The following RAX variants were observed in gnomAD, a reference collection of about 807,000 sequenced individuals.
RAX encodes the protein retina and anterior neural fold homeobox.
Under a neutral mutation model 17.4 loss-of-function variants are expected in RAX, and 11 were observed. That is an observed-to-expected ratio of 0.63 (90% CI 0.40 to 1.05). The LOEUF (loss-of-function observed/expected upper bound fraction) is 1.05, where lower values mean the gene tolerates loss of function less well. Ranked by LOEUF, RAX falls within the 50% of genes least tolerant of loss-of-function variation. RAX has a pLI of 0.00. For synonymous variants in RAX, 276 were observed against 254.7 expected (o/e 1.08, Z -0.80); for missense variants, 527 against 501.1 (o/e 1.05, Z -0.49).
Position 59,272,934 on chromosome 18 carries a change from G to A in RAX, c.273C>T (p.Pro91=), listed in dbSNP as rs1251223606. 1 of 1,464,354 alleles carries A rather than the reference G, an allele frequency of 6.8e-7. No individual in the cohort carries two copies. Among genetic ancestry groups the A allele is most frequent in the Non-Finnish European group, 8.9e-7 (1 of 1,125,728 alleles). The allele number at this position is 1,464,354 out of a possible 1,614,324, so 90.7% of individuals were successfully genotyped here. A position where few individuals can be genotyped will look rare whatever the true frequency, so the allele number is the denominator to read the frequency against. ...SEPSPPPAPA[P]APEYEAPRPY... Reference sequence around the variant, plus strand: ...CGCACTCACCTTCGTACTCGGGGGCGGGCGCCGGGGCTGGCGGCGGGGAGG... The same window carrying A: ...CGCACTCACCTTCGTACTCGGGGGCAGGCGCCGGGGCTGGCGGCGGGGAGG... The change falls in exon 1 of 3, where the codon CCC becomes CCT. Residue 91 remains proline (P), a synonymous_variant. Coordinates refer to ENST00000334889, the MANE Select transcript of RAX (RefSeq NM_013435.3).
At position 59,269,114 on chromosome 18, in the gene RAX, C is replaced by A; in HGVS notation, c.931G>T (p.Asp311Tyr). 6.2e-7 allele frequency: 1 copy of A among 1,609,820 alleles called. No homozygotes were observed. The highest frequency in any genetic ancestry group is 8.5e-7 in the Non-Finnish European group (1 of 1,178,396). The change falls in exon 3 of 3, where the codon GAC (aspartate) becomes TAC (tyrosine). Residue 311 changes from aspartate (D) to tyrosine (Y), a missense_variant. Physicochemically the swap from Asp to Tyr is radical, Grantham distance 160 (BLOSUM62 -3). Transcript: ENST00000334889. ...TCCGCCTCGTCCAGCGGGAACTTGT[C>A]CCCGAAGCCGGGCCCGCACGGGTAG... ...PSYPCGPGFG[D>Y]KFPLDEADPR...
In RAX at chr18:59,269,291, C is replaced by G. The variant is rs1243020332; in HGVS notation, c.754G>C (p.Gly252Arg). The change falls in exon 3 of 3, where the codon GGG (glycine) becomes CGG (arginine). Residue 252 changes from glycine to arginine, a missense_variant. Gly to Arg is a moderately radical substitution (Grantham distance 125). Coordinates refer to ENST00000334889, the MANE Select transcript of RAX (RefSeq NM_013435.3). The stretch of plus-strand genomic sequence containing the variant: ...AGGCTCTGCAGCGCCGTGGCGCCCC[C>G]GCCCGGCAGCGGCGGCCCGAGCCAG... ...ESWLGPPLPG[G>R]GATALQSLPG... 17 of 1,296,738 alleles carry G rather than the reference C, an allele frequency of 1.3e-5. No homozygotes were observed. The highest frequency in any genetic ancestry group is 1.6e-5 in the African/African-American group (1 of 64,150). The allele number at this position is 1,296,738 out of a possible 1,614,324, so 80.3% of individuals were successfully genotyped here. A position where few individuals can be genotyped will look rare whatever the true frequency, so the allele number is the denominator to read the frequency against.
In RAX at chr18:59,267,174, A is replaced by C. The variant is rs1453968253; in HGVS notation, c.*1830T>G. On this transcript the variant is annotated 3_prime_UTR_variant, in exon 3 of 3. Coordinates refer to ENST00000334889, the MANE Select transcript of RAX (RefSeq NM_013435.3). ...CCTCTTGGGGGGGAATAATTTATTC[A>C]GTACATTTTTACTGATCAGCCTACT... is the stretch of plus-strand genomic sequence containing the variant. 6.6e-6 allele frequency: 1 copy of C among 152,238 alleles called. No individual in the cohort carries two copies. Among genetic ancestry groups the C allele is most frequent in the African/African-American group, 2.4e-5 (1 of 41,454 alleles). The allele number at this position is 152,238 out of a possible 1,614,324, so 9.4% of individuals were successfully genotyped here. A position where few individuals can be genotyped will look rare whatever the true frequency, so the allele number is the denominator to read the frequency against.
intron 2 of RAX, among the ~76,000 whole-genome samples, chr18:59,270,273 T>G (rs1011727703): frequency 2.6e-5 from 4 of 152,246 alleles, no homozygotes; most frequent in Non-Finnish European, 5.9e-5. Flanking sequence ...TTACTATTTC[T>G]GCTGTTTGTT....
At chr18:59,272,851 T>C in intron 1 of RAX, 67 bp downstream of exon 1, 1 of 1,486,204 alleles carries the variant, frequency 6.7e-7, no homozygotes, top group Non-Finnish European at 8.9e-7. Flanking sequence ...GAAGGGGCGC[T>C]CTCGTCTGGC....
Position 59,269,311 on chromosome 18 carries a change from A to T in RAX, c.734T>A (p.Leu245His). 7.7e-7 allele frequency: 1 copy of T among 1,304,894 alleles called. No homozygotes were observed. The highest frequency in any genetic ancestry group is 2.2e-5 in the South Asian group (1 of 45,536). 80.8% of individuals were successfully genotyped at this position (1,304,894 alleles called of 1,614,324 possible). Residue 245 changes from leucine (L) to histidine (H), a missense_variant, in exon 3 of 3, where the codon CTC becomes CAC. Physicochemically the swap from Leu to His is moderately conservative, Grantham distance 99. Coordinates refer to ENST00000334889, the MANE Select transcript of RAX (RefSeq NM_013435.3). The part of the protein sequence containing the change: ...AGGALPLESW[L>H]GPPLPGGGAT... ...GCCCCCGCCCGGCAGCGGCGGCCCG[A>T]GCCAGGACTCCAGCGGCAGCGCGCC...
At chr18:59,271,720 C>G (rs1301169342) in intron 2 of RAX, among the ~76,000 whole-genome samples, 2 of 152,180 alleles carry the variant, frequency 1.3e-5, no homozygotes, top group Non-Finnish European at 2.9e-5. Flanking sequence ...AGATTTTTCA[C>G]AGATGACTAG....
In RAX at chr18:59,272,494, C is replaced by T. The variant is rs768555667; in HGVS notation, c.410G>A (p.Arg137Gln). ...SEEEQPKKKH[R>Q]RNRTTFTTYQ... ...CGTGGTGAAAGTCGTGCGGTTCCGC[C>T]GATGCTTTTTCTTGGGCTGTTCCTC... The change falls in exon 2 of 3, where the codon CGG (arginine) becomes CAG (glutamine). Residue 137 changes from arginine (R) to glutamine (Q), a missense_variant. Coordinates refer to ENST00000334889, the MANE Select transcript of RAX (RefSeq NM_013435.3). The T allele has an allele frequency of 6.2e-7, 1 of 1,614,246 alleles. No homozygotes were observed. Among genetic ancestry groups the T allele is most frequent in the Non-Finnish European group, 8.5e-7 (1 of 1,180,046 alleles).
chr18:59,273,375 G>T lies in RAX; in HGVS notation c.-169C>A. On this transcript the variant is annotated 5_prime_UTR_variant, in exon 1 of 3. Transcript: ENST00000334889. ...CTGGGGGTGGCCGAGCGCTCAGCCCGCTGCCGCCTTAGTCCCAGAAGTCGG... is the reference window on the plus strand; with the variant it reads ...CTGGGGGTGGCCGAGCGCTCAGCCCTCTGCCGCCTTAGTCCCAGAAGTCGG... The T allele has an allele frequency of 4.3e-6, 3 of 696,678 alleles. No individual in the cohort carries two copies. Among genetic ancestry groups the T allele is most frequent in the East Asian group, 3.2e-5 (1 of 31,464 alleles). 43.2% of individuals were successfully genotyped at this position (696,678 alleles called of 1,614,324 possible).
In RAX at chr18:59,269,085, C is replaced by G; in HGVS notation, c.960G>C (p.Pro320=). The G allele has an allele frequency of 6.2e-7, 1 of 1,612,456 alleles. No homozygotes were observed. The highest frequency in any genetic ancestry group is 1.1e-5 in the South Asian group (1 of 91,016). The change falls in exon 3 of 3, where the codon CCG becomes CCC. Residue 320 remains proline, a synonymous_variant. Transcript: ENST00000334889. ...GCAGCGCCGCGATGCTGCTGTTGCG[C>G]GGGTCCGCCTCGTCCAGCGGGAACT... is the stretch of plus-strand genomic sequence containing the variant. The part of the protein sequence containing the change: ...GDKFPLDEAD[P]RNSSIAALRL...
At position 59,268,735 on chromosome 18, in the gene RAX, C is replaced by T. The variant is rs1013270682; in HGVS notation, c.*269G>A. The T allele has an allele frequency of 8.7e-6, 5 of 575,858 alleles. No homozygotes were observed. Among genetic ancestry groups the T allele is most frequent in the African/African-American group, 3.8e-5 (2 of 52,178 alleles). The allele number at this position is 575,858 out of a possible 1,614,324, so 35.7% of individuals were successfully genotyped here. On this transcript the variant is annotated 3_prime_UTR_variant, in exon 3 of 3. Transcript: ENST00000334889. This position sits in a 1 kb window ranked among gnomAD's most constrained non-coding sequence, Gnocchi z 4.4. ...GCGGTGATGGGAGCGGCGTGGCCAG[C>T]GGGGCCCGGCAGCCTGTTGCCCTCC...
In RAX at chr18:59,272,478, A is replaced by G. The variant is rs779827862; in HGVS notation, c.426T>C (p.Thr142=). Residue 142 remains threonine (T), a synonymous_variant, in exon 2 of 3, where the codon ACT becomes ACC. Transcript: ENST00000334889. The part of the protein sequence containing the change: ...PKKKHRRNRT[T]FTTYQLHELE... ...GCTCATGCAGCTGGTACGTGGTGAA[A>G]GTCGTGCGGTTCCGCCGATGCTTTT... 5.6e-6 allele frequency: 9 copies of G among 1,614,196 alleles called. No homozygotes were observed. The Admixed American group carries it at 1.5e-4, about 27-fold the overall frequency.
chr18:59,272,707 C>T, intron 1 of RAX, 93 bp from the exon 2 acceptor site: 1 of 1,468,960 alleles, frequency 6.8e-7, no homozygotes, highest in Non-Finnish European at 9.0e-7. Context: ...AGCCCGCCTG[C>T]GGGCTCCGAG....
At chr18:59,270,147 T>C (rs974338622) in intron 2 of RAX, among the ~76,000 whole-genome samples, 1 of 152,240 alleles carries the variant, frequency 6.6e-6, no homozygotes, top group African/African-American at 2.4e-5. Flanking sequence ...AAAATTCAGC[T>C]CTTTTCACGG....
rs1486483299 is a variant in RAX, at chr18:59,267,857, C to G, written c.*1147G>C. 2 of 152,200 alleles carry G rather than the reference C, an allele frequency of 1.3e-5. No homozygotes were observed. The highest frequency in any genetic ancestry group is 2.9e-5 in the Non-Finnish European group (2 of 68,052). 9.4% of individuals were successfully genotyped at this position (152,200 alleles called of 1,614,324 possible). The stretch of plus-strand genomic sequence containing the variant: ...CTGCAGATACTGTCCAGGGCACGCC[C>G]GCAAGAACTAGCTCTCGGGGCGGTG... On this transcript the variant is annotated 3_prime_UTR_variant, in exon 3 of 3. Transcript: ENST00000334889.
In RAX at chr18:59,272,426, A is replaced by G; in HGVS notation, c.478T>C (p.Tyr160His). Residue 160 changes from tyrosine (Y) to histidine (H), a missense_variant, in exon 2 of 3, where the codon TAC becomes CAC. Coordinates refer to ENST00000334889, the MANE Select transcript of RAX (RefSeq NM_013435.3). ...TCCTCGCGGCTGTACACGTCCGGGT[A>G]GTGGGACTTCTCGAACGCGCGCTCC... ...ELERAFEKSHYPDVYSREELA... is the reference protein window; with the variant it reads ...ELERAFEKSHHPDVYSREELA... 3.1e-6 allele frequency: 5 copies of G among 1,614,200 alleles called. No homozygotes were observed. The highest frequency in any genetic ancestry group is 4.2e-6 in the Non-Finnish European group (5 of 1,180,028).
intron 2 of RAX, among the ~76,000 whole-genome samples, chr18:59,270,006 G>T (rs1310717113): frequency 6.6e-6 from 1 of 152,140 alleles, no homozygotes; most frequent in African/African-American, 2.4e-5. Context: ...AGACTTGCTT[G>T]TTCTCTGTAT....
chr18:59,268,924 G>C lies in RAX; in HGVS notation c.*80C>G, dbSNP rs576114179. On this transcript the variant is annotated 3_prime_UTR_variant, in exon 3 of 3. Coordinates refer to ENST00000334889, the MANE Select transcript of RAX (RefSeq NM_013435.3). The surrounding 1 kb of genome is among the most constrained non-coding windows in gnomAD (Gnocchi z 4.4). ...AGGGAAAGAGGGGCCGAGCTGGGGA[G>C]GGGGGTTGTCCCTGGGAGAGAGGAT... 7.7e-5 allele frequency: 123 copies of C among 1,604,522 alleles called. 2 individuals are homozygous for C. The South Asian group carries it at 1.3e-3, about 17-fold the overall frequency.
At position 59,267,770 on chromosome 18, in the gene RAX, A is replaced by T. The variant is rs1037014638; in HGVS notation, c.*1234T>A. ...CTCTCCTTCTTCAGAGAGTCTCAGGAGATTGTGAAGCGGGCTGAGATTTCG... is the reference window on the plus strand; with the variant it reads ...CTCTCCTTCTTCAGAGAGTCTCAGGTGATTGTGAAGCGGGCTGAGATTTCG... On this transcript the variant is annotated 3_prime_UTR_variant, in exon 3 of 3. Coordinates refer to ENST00000334889, the MANE Select transcript of RAX (RefSeq NM_013435.3). 2.6e-5 allele frequency: 4 copies of T among 152,020 alleles called. No individual in the cohort carries two copies. Among genetic ancestry groups the T allele is most frequent in the African/African-American group, 9.7e-5 (4 of 41,352 alleles). The allele number at this position is 152,020 out of a possible 1,614,324, so 9.4% of individuals were successfully genotyped here. A position where few individuals can be genotyped will look rare whatever the true frequency, so the allele number is the denominator to read the frequency against.
Sources: gnomAD v4.1 joint callset for allele counts (sites outside exome capture counted in the v4.1 genomes callset) on GRCh38, gnomAD v4.1.1 for gene constraint, Gnocchi (gnomAD v3.1) non-coding constraint, MANE v1.5 for transcripts, NCBI Gene and HGNC (gene_info 2026-07-23, HGNC 2026-07-21) for gene names.